The following LRRC4C variants were observed in gnomAD, a reference collection of about 807,000 sequenced individuals.
LRRC4C encodes the protein leucine-rich repeat-containing protein 4C.
LRRC4C carries 5 observed loss-of-function variants against 33.6 expected under a neutral mutation model. The observed-to-expected ratio is 0.15, with a 90% CI of 0.08 to 0.31. The LOEUF (loss-of-function observed/expected upper bound fraction) is 0.31, where lower values mean the gene tolerates loss of function less well. LRRC4C is among the 10% of genes least tolerant of loss of function. The pLI, the probability that LRRC4C is intolerant of heterozygous loss-of-function variation, is 1.00. For missense variants in LRRC4C, 560 were observed against 796.7 expected (o/e 0.70, Z 3.58); for synonymous variants, 329 against 302.0 (o/e 1.09, Z -0.93).
At chr11:40,447,383 G>T (rs1238402652) in intron 3 of LRRC4C, among the ~76,000 whole-genome samples, 2 of 152,126 alleles carry the variant, frequency 1.3e-5, no homozygotes, top group Non-Finnish European at 2.9e-5. Flanking sequence ...AAATCAAGGG[G>T]TCCAGAAAGG....
At chr11:40,534,071 C>A (rs537255900) in intron 3 of LRRC4C, among the ~76,000 whole-genome samples, 14 of 152,072 alleles carry the variant, frequency 9.2e-5, no homozygotes, top group Non-Finnish European at 1.6e-4. Flanking sequence ...ATGGTTCCAC[C>A]ACTTATTAGA....
At chr11:40,205,184 G>T (rs138485829) in intron 5 of LRRC4C, among the ~76,000 whole-genome samples, 1 of 152,298 alleles carries the variant, frequency 6.6e-6, no homozygotes, top group African/African-American at 2.4e-5. Flanking sequence ...AGTGCCTGAA[G>T]ATATAGTAAC....
chr11:41,215,192 T>G (rs868683788), intron 1 of LRRC4C, among the ~76,000 whole-genome samples: 1 of 151,196 alleles, frequency 6.6e-6, no homozygotes, highest in Non-Finnish European at 1.5e-5. Context: ...TTGAAAAAAA[T>G]TTTTTAAAAA....
At chr11:40,695,002 T>G (rs1280354978) in intron 2 of LRRC4C, among the ~76,000 whole-genome samples, 1 of 152,194 alleles carries the variant, frequency 6.6e-6, no homozygotes, top group Non-Finnish European at 1.5e-5. Flanking sequence ...TCCTGTCATT[T>G]TTTGCCTTAA....
intron 6 of LRRC4C, among the ~76,000 whole-genome samples, chr11:40,131,238 G>T (rs541312842): frequency 6.6e-6 from 1 of 152,132 alleles, no homozygotes; most frequent in Non-Finnish European, 1.5e-5. Context: ...AGACTTATAT[G>T]TGAACCAAAA....
intron 1 of LRRC4C, among the ~76,000 whole-genome samples, chr11:41,093,877 G>C (rs1940608296): frequency 7.0e-6 from 1 of 142,742 alleles, no homozygotes; most frequent in Non-Finnish European, 1.5e-5. Flanking sequence ...GGATCACAAG[G>C]TCAGGAGATC....
chr11:40,668,437 T>C (rs909282174), intron 2 of LRRC4C, among the ~76,000 whole-genome samples: 1 of 152,128 alleles, frequency 6.6e-6, no homozygotes, highest in African/African-American at 2.4e-5. Context: ...AACACAAATT[T>C]TAAATTTTAA....
chr11:40,667,014 A>G (rs1286567788), intron 2 of LRRC4C, among the ~76,000 whole-genome samples: 2 of 152,204 alleles, frequency 1.3e-5, no homozygotes, highest in Non-Finnish European at 2.9e-5. Flanking sequence ...TTCAGAACAA[A>G]ATATTTTGCC....
At chr11:40,567,896 G>A (rs1193149399) in intron 3 of LRRC4C, among the ~76,000 whole-genome samples, 10 of 152,112 alleles carry the variant, frequency 6.6e-5, no homozygotes, top group Admixed American at 5.2e-4. Context: ...AGTTTCTCAT[G>A]AAATCCCCCT....
chr11:40,803,512 T>C (rs997439833), intron 2 of LRRC4C, among the ~76,000 whole-genome samples: 2 of 152,208 alleles, frequency 1.3e-5, no homozygotes, highest in Non-Finnish European at 2.9e-5. Flanking sequence ...ACTTAATCCA[T>C]TGAGAATAAG....
At chr11:41,115,768 T>C (rs1344757964) in intron 1 of LRRC4C, among the ~76,000 whole-genome samples, 2 of 152,134 alleles carry the variant, frequency 1.3e-5, no homozygotes, top group African/African-American at 2.4e-5. Context: ...TGCACTAACA[T>C]TGTCCTTGTC....
intron 1 of LRRC4C, among the ~76,000 whole-genome samples, chr11:41,288,691 C>A (rs1053324037): frequency 5.9e-5 from 9 of 152,142 alleles, no homozygotes; most frequent in African/African-American, 2.2e-4. Flanking sequence ...AGTCTGGGCA[C>A]AACTTAGGTG....
At chr11:40,911,713 T>C (rs189319333) in intron 2 of LRRC4C, among the ~76,000 whole-genome samples, 9 of 152,308 alleles carry the variant, frequency 5.9e-5, no homozygotes, top group Middle Eastern at 6.8e-3. Context: ...TTTTATGAGT[T>C]GAGAGAAGAA....
chr11:41,070,466 C>A (rs1172872072), intron 1 of LRRC4C, among the ~76,000 whole-genome samples: 2 of 152,004 alleles, frequency 1.3e-5, no homozygotes, highest in Non-Finnish European at 2.9e-5. Flanking sequence ...AAACTATCAC[C>A]AGAATGAAAA....
intron 2 of LRRC4C, among the ~76,000 whole-genome samples, chr11:40,806,037 G>C (rs1020399517): frequency 6.6e-6 from 1 of 152,152 alleles, no homozygotes; most frequent in African/African-American, 2.4e-5. Flanking sequence ...CCCAGCTTCA[G>C]TAGTATATAG....
At chr11:40,822,244 T>G (rs775548451) in intron 2 of LRRC4C, among the ~76,000 whole-genome samples, 2 of 151,790 alleles carry the variant, frequency 1.3e-5, no homozygotes, top group Non-Finnish European at 3.0e-5. Context: ...AGTGAGAACA[T>G]GTGATATTTG....
Position 41,376,365 on chromosome 11 carries a change from AT to A in LRRC4C, c.-496+83065del, listed in dbSNP as rs369944288. Among the ~76,000 whole-genome samples, 46 of 152,268 alleles carry A rather than the reference AT, an allele frequency of 3.0e-4. No homozygotes were observed. In the East Asian group the frequency reaches 7.9e-3, roughly 26 times the overall value. ...CCTTGTAGCTTTACCTATTGCCCAA[AT>A]GTCTACAAATAAGGCTGAAAGTAGA... is the stretch of plus-strand genomic sequence containing the variant. On this transcript the variant is annotated intron_variant, in intron 1 of 6. Transcript: ENST00000528697.
chr11:40,449,846 A>G (rs556765263), intron 3 of LRRC4C, among the ~76,000 whole-genome samples: 2 of 152,328 alleles, frequency 1.3e-5, no homozygotes, highest in South Asian at 4.1e-4. Flanking sequence ...ATTAAAGTTC[A>G]GTGAAAGCTT....
intron 5 of LRRC4C, among the ~76,000 whole-genome samples, chr11:40,161,863 C>G (rs1859185827): frequency 6.6e-6 from 1 of 152,138 alleles, no homozygotes; most frequent in Non-Finnish European, 1.5e-5. Context: ...GAATGAAACA[C>G]AGTGGTTGTG....
Sources: allele counts gnomAD v4.1 joint callset (sites outside exome capture counted in the v4.1 genomes callset), GRCh38; gene constraint gnomAD v4.1.1; transcripts MANE v1.5; gene names NCBI Gene and HGNC (gene_info 2026-07-23, HGNC 2026-07-21).